Variants in UNC13C observed in about 807,000 individuals in gnomAD.
The protein encoded by UNC13C is unc-13 homolog C.
In UNC13C, 174 loss-of-function variants were observed where a neutral mutation model predicts 245.4. That is an observed-to-expected ratio of 0.71 (90% CI 0.63 to 0.80). The LOEUF (loss-of-function observed/expected upper bound fraction) is 0.80, where lower values mean the gene tolerates loss of function less well. Among genes scored for constraint, UNC13C ranks in the 30% least tolerant of loss-of-function variants. The pLI is 0.00. For synonymous variants in UNC13C, 992 were observed against 895.1 expected, an observed-to-expected ratio of 1.11 and a Z score of -1.93; for missense variants, 2,829 against 2,602.9, an observed-to-expected ratio of 1.09 and a Z score of -1.89.
intron 19 of UNC13C, among the ~76,000 whole-genome samples, chr15:54,451,979 T>C (rs1009156318): frequency 3.9e-5 from 6 of 152,202 alleles, no homozygotes; most frequent in African/African-American, 1.4e-4. Context: ...TTGGCTTTGA[T>C]TCTCAGTGCA....
intron 2 of UNC13C, among the ~76,000 whole-genome samples, chr15:54,116,295 C>G (rs1347330029): frequency 6.6e-6 from 1 of 152,078 alleles, no homozygotes; most frequent in Non-Finnish European, 1.5e-5. Context: ...ATATCCCCTT[C>G]TAGCTATTTT....
At chr15:54,308,717 C>T (rs927797642) in intron 13 of UNC13C, among the ~76,000 whole-genome samples, 4 of 151,580 alleles carry the variant, frequency 2.6e-5, no homozygotes, top group African/African-American at 9.7e-5. Flanking sequence ...GTAAGTTCCT[C>T]TTTTTTTATA....
chr15:54,515,220 ATAGCCAAC>A (rs1894918451), intron 24 of UNC13C, among the ~76,000 whole-genome samples: 1 of 152,142 alleles, frequency 6.6e-6, no homozygotes. Flanking sequence ...AACAAGTAAA[ATAGCCAAC>A]CCGTGTTATA....
chr15:54,293,860 TC>T, intron 10 of UNC13C, 34 bp from the exon 11 acceptor site: 1 of 1,476,098 alleles, frequency 6.8e-7, no homozygotes, highest in Non-Finnish European at 9.0e-7. Flanking sequence ...AGAGCAGTTT[TC>T]AATTGTTGTT....
intron 30 of UNC13C, among the ~76,000 whole-genome samples, chr15:54,612,377 GTTTA>G (rs1227486533): frequency 6.6e-6 from 1 of 151,926 alleles, no homozygotes; most frequent in African/African-American, 2.4e-5. Context: ...TTCATTTAGA[GTTTA>G]TTTATTTATA....
chr15:54,615,940 CT>C (rs1331806922), intron 30 of UNC13C, among the ~76,000 whole-genome samples: 4 of 152,054 alleles, frequency 2.6e-5, no homozygotes, highest in Non-Finnish European at 4.4e-5. Flanking sequence ...GCCTCAACTT[CT>C]TTATGTCTAA....
intron 7 of UNC13C, among the ~76,000 whole-genome samples, chr15:54,239,624 C>CAT (rs1555435903): frequency 5.4e-5 from 8 of 148,982 alleles, no homozygotes; most frequent in South Asian, 2.1e-4. Context: ...CTAATATTTC[C>CAT]TTTTTTTTTT....
chr15:54,532,767 A>G, intron 25 of UNC13C, 150 bp from the exon 26 acceptor site: 1 of 552,666 alleles, frequency 1.8e-6, no homozygotes, highest in Non-Finnish European at 3.2e-6. Flanking sequence ...CATTGGAACA[A>G]AAATTTTTGC....
chr15:54,525,174 T>C (rs1895391273), intron 24 of UNC13C, among the ~76,000 whole-genome samples: 1 of 152,196 alleles, frequency 6.6e-6, no homozygotes. Context: ...AAGATTTAAA[T>C]AAATTTTGAA....
At chr15:54,503,090 C>T (rs1429514190) in intron 22 of UNC13C, among the ~76,000 whole-genome samples, 4 of 152,054 alleles carry the variant, frequency 2.6e-5, no homozygotes, top group African/African-American at 9.7e-5. Context: ...AAAGAATCAG[C>T]TTCCATGTAT....
In UNC13C at chr15:54,351,627, G is replaced by A. The variant is rs543991257; in HGVS notation, c.4713+13138G>A. Among the ~76,000 whole-genome samples the A allele has an allele frequency of 9.9e-5, 15 of 152,116 alleles. No individual in the cohort carries two copies. The South Asian group carries it at 3.1e-3, about 32-fold the overall frequency. On this transcript the variant is annotated intron_variant, in intron 17 of 32. Transcript: ENST00000260323. The stretch of plus-strand genomic sequence containing the variant: ...ACAATACAGCAATTAAGATCAACAC[G>A]GAGGCAGTATGGTGGAGTATATTAT...
the UNC13C span, among the ~76,000 whole-genome samples, chr15:53,945,217 T>C: frequency 6.6e-6 from 1 of 152,298 alleles, no homozygotes; most frequent in African/African-American, 2.4e-5. Flanking sequence ...GTTGATATTT[T>C]CTTTTGCTAT....
At chr15:54,102,720 GCTGT>G (rs1346940086) in intron 2 of UNC13C, among the ~76,000 whole-genome samples, 2 of 152,150 alleles carry the variant, frequency 1.3e-5, no homozygotes, top group Non-Finnish European at 2.9e-5. Context: ...TTGATGAAAT[GCTGT>G]CTTTCTTCCT....
the UNC13C span, among the ~76,000 whole-genome samples, chr15:53,866,677 A>C: frequency 6.6e-6 from 1 of 152,208 alleles, no homozygotes; most frequent in Non-Finnish European, 1.5e-5. Context: ...CGAGGCACAG[A>C]AAATTCAAGA....
At chr15:53,841,047 C>T in the UNC13C span, among the ~76,000 whole-genome samples, 1 of 152,120 alleles carries the variant, frequency 6.6e-6, no homozygotes, top group Non-Finnish European at 1.5e-5. Flanking sequence ...GAAACCAATG[C>T]GTGGATGGTC....
At chr15:53,898,200 C>CCAT in the UNC13C span, among the ~76,000 whole-genome samples, 2 of 147,098 alleles carry the variant, frequency 1.4e-5, no homozygotes, top group Admixed American at 1.4e-4. Flanking sequence ...ACCACAACCA[C>CCAT]CACCACCATC....
intron 2 of UNC13C, among the ~76,000 whole-genome samples, chr15:54,083,341 C>A (rs910093091): frequency 1.3e-5 from 2 of 152,192 alleles, no homozygotes; most frequent in Non-Finnish European, 2.9e-5. Context: ...GGACTCAGGG[C>A]ACAGCCTCTT....
chr15:53,970,011 T>G, the UNC13C span, among the ~76,000 whole-genome samples: 1 of 152,096 alleles, frequency 6.6e-6, no homozygotes, highest in Non-Finnish European at 1.5e-5. Flanking sequence ...TAGCATAATG[T>G]GCTCACAGTT....
At chr15:54,542,354 G>A (rs572449311) in intron 26 of UNC13C, among the ~76,000 whole-genome samples, 1 of 152,242 alleles carries the variant, frequency 6.6e-6, no homozygotes, top group East Asian at 1.9e-4. Context: ...TTGCACTGTG[G>A]TCTGAGAGAC....
Sources: gnomAD v4.1 joint callset for allele counts (sites outside exome capture counted in the v4.1 genomes callset) on GRCh38, gnomAD v4.1.1 for gene constraint, MANE v1.5 for transcripts, NCBI Gene and HGNC (gene_info 2026-07-23, HGNC 2026-07-21) for gene names.